The following FMN2 variants were observed in gnomAD, a reference collection of about 807,000 sequenced individuals.
The protein encoded by FMN2 is formin-2.
FMN2 carries 51 observed loss-of-function variants against 142.3 expected under a neutral mutation model. The ratio of observed to expected loss-of-function variants is 0.36; its 90% CI spans 0.29 to 0.45. FMN2 has a LOEUF of 0.45. Among genes scored for constraint, FMN2 ranks in the 20% least tolerant of loss-of-function variants. FMN2 has a pLI of 1.00. For missense variants in FMN2, 1,936 were observed against 2,122.8 expected (o/e 0.91, Z 1.73); for synonymous variants, 882 against 869.8 (o/e 1.01, Z -0.25).
chr1:240,449,609 A>C (rs1675935719), intron 16 of FMN2, among the ~76,000 whole-genome samples: 2 of 152,216 alleles, frequency 1.3e-5, no homozygotes, highest in Admixed American at 6.5e-5. Flanking sequence ...AGTTCATTCA[A>C]GTTTCCATCG....
Position 240,186,261 on chromosome 1 carries a change from C to T in FMN2, c.1931-1946C>T, listed in dbSNP as rs528241719. Reference sequence around the variant, plus strand: ...GGATACCCCACTTTTCCTGGTGGAACCCACTTTCATGTTCTTATCATTGTT... The same window carrying T: ...GGATACCCCACTTTTCCTGGTGGAATCCACTTTCATGTTCTTATCATTGTT... On this transcript the variant is annotated intron_variant, in intron 3 of 17. Coordinates refer to ENST00000319653, the MANE Select transcript of FMN2 (RefSeq NM_020066.5). Among the ~76,000 whole-genome samples the T allele has an allele frequency of 4.6e-5, 7 of 152,272 alleles. 1 individual carries two copies. In the South Asian group the frequency reaches 1.5e-3, roughly 32 times the overall value.
chr1:240,255,396 A>T (rs1668419047), intron 6 of FMN2, among the ~76,000 whole-genome samples: 1 of 152,166 alleles, frequency 6.6e-6, no homozygotes, highest in Non-Finnish European at 1.5e-5. Context: ...TTCCCAGGTG[A>T]TGATGGTGCC....
chr1:240,470,927 A>T (rs1379755845), intron 16 of FMN2, among the ~76,000 whole-genome samples: 4 of 152,206 alleles, frequency 2.6e-5, no homozygotes, highest in Admixed American at 2.6e-4. Context: ...TGCATAAAGA[A>T]CTTTTTAAAT....
At chr1:240,428,490 G>A (rs549339160) in intron 15 of FMN2, among the ~76,000 whole-genome samples, 113 of 152,260 alleles carry the variant, frequency 7.4e-4, no homozygotes, top group Non-Finnish European at 1.1e-3. Context: ...GCATCCTTAA[G>A]TGTTGCAACT....
At chr1:240,286,989 G>A (rs184823062) in intron 7 of FMN2, among the ~76,000 whole-genome samples, 14 of 151,680 alleles carry the variant, frequency 9.2e-5, no homozygotes, top group African/African-American at 3.4e-4. Flanking sequence ...CTAGATGGGG[G>A]AGTGTGTATA....
chr1:240,328,198 CA>C (rs1553363703), intron 8 of FMN2, among the ~76,000 whole-genome samples: 1 of 113,146 alleles, frequency 8.8e-6, no homozygotes, highest in Non-Finnish European at 1.9e-5. Flanking sequence ...GCAAAAGGAT[CA>C]AAACCTTTTA....
intron 16 of FMN2, among the ~76,000 whole-genome samples, chr1:240,467,864 A>G (rs1413616432): frequency 6.6e-6 from 1 of 152,218 alleles, no homozygotes; most frequent in Non-Finnish European, 1.5e-5. Context: ...TTTTATAGCC[A>G]TTATCTACCA....
intron 2 of FMN2, among the ~76,000 whole-genome samples, chr1:240,128,355 T>G (rs1301780333): frequency 6.6e-6 from 1 of 152,224 alleles, no homozygotes; most frequent in East Asian, 1.9e-4. Context: ...CTTCTAGGAT[T>G]TCTTTAATCC....
At chr1:240,217,071 T>G (rs1217733569) in intron 6 of FMN2, among the ~76,000 whole-genome samples, 1 of 152,246 alleles carries the variant, frequency 6.6e-6, no homozygotes, top group Non-Finnish European at 1.5e-5. Flanking sequence ...GAAGCAGTAA[T>G]TGCCAATAAA....
At chr1:240,358,804 G>A (rs894518897) in intron 14 of FMN2, among the ~76,000 whole-genome samples, 4 of 152,066 alleles carry the variant, frequency 2.6e-5, no homozygotes, top group African/African-American at 9.7e-5. Context: ...ATGAGATTTG[G>A]GTGGGGACAC....
intron 6 of FMN2, among the ~76,000 whole-genome samples, chr1:240,224,865 G>C (rs1006514849): frequency 7.2e-5 from 11 of 152,168 alleles, no homozygotes; most frequent in Non-Finnish European, 1.5e-4. Flanking sequence ...AAGAAAACAA[G>C]AACTAGCATG....
chr1:240,360,926 A>G (rs930759381), intron 14 of FMN2, among the ~76,000 whole-genome samples: 3 of 150,672 alleles, frequency 2.0e-5, no homozygotes, highest in Non-Finnish European at 4.4e-5. Flanking sequence ...AACAATGAGA[A>G]CTCTTGGACA....
chr1:240,218,493 G>C (rs1384281468), intron 6 of FMN2, among the ~76,000 whole-genome samples: 1 of 151,778 alleles, frequency 6.6e-6, no homozygotes, highest in African/African-American at 2.4e-5. Flanking sequence ...GCTGTAGTGT[G>C]CTGTGATTTT....
intron 7 of FMN2, among the ~76,000 whole-genome samples, chr1:240,276,350 T>G (rs10926195): frequency 0.42 from 63,859 of 151,956 alleles, 13,831 homozygotes; most frequent in East Asian, 0.64. Context: ...TATATGACCC[T>G]GGAAGGCATG....
At chr1:240,439,861 T>G (rs1490685445) in intron 16 of FMN2, among the ~76,000 whole-genome samples, 9 of 152,190 alleles carry the variant, frequency 5.9e-5, no homozygotes, top group Admixed American at 5.9e-4. Context: ...CACACAGAAC[T>G]TCCCTTCATG....
chr1:240,321,855 T>C (rs2103001257), intron 8 of FMN2, among the ~76,000 whole-genome samples: 1 of 152,336 alleles, frequency 6.6e-6, no homozygotes, highest in East Asian at 1.9e-4. Flanking sequence ...TGGACTTTTA[T>C]GATAATTTTG....
rs1668684387 is a variant in FMN2, at chr1:240,263,047, C to T, written c.4153+5015C>T. Among the ~76,000 whole-genome samples the T allele has an allele frequency of 2.0e-5, 3 of 152,088 alleles. No homozygotes were observed. The South Asian group carries it at 6.2e-4, about 32-fold the overall frequency. ...GTGCTGGGATTACAGGCGTGAGCCA[C>T]CTCACCCATCCCCAAGAACTTTTCA... On this transcript the variant is annotated intron_variant, in intron 7 of 17. Transcript: ENST00000319653.
At chr1:240,307,782 T>C (rs1670463448) in intron 8 of FMN2, among the ~76,000 whole-genome samples, 1 of 152,156 alleles carries the variant, frequency 6.6e-6, no homozygotes, top group South Asian at 2.1e-4. Context: ...AAAAATGATG[T>C]TTGTAATTTG....
chr1:240,313,549 G>T (rs193241118), intron 8 of FMN2, among the ~76,000 whole-genome samples: 66 of 152,218 alleles, frequency 4.3e-4, no homozygotes, highest in African/African-American at 1.5e-3. Flanking sequence ...TTCCAAAATA[G>T]TCAACAGTAA....
Sources: allele counts gnomAD v4.1 joint callset (sites outside exome capture counted in the v4.1 genomes callset), GRCh38; gene constraint gnomAD v4.1.1; transcripts MANE v1.5; gene names NCBI Gene and HGNC (gene_info 2026-07-23, HGNC 2026-07-21).